PEX1: variants seen among roughly 807,000 people sequenced by gnomAD.
PEX1 encodes the protein peroxisomal biogenesis factor 1.
In PEX1, 97 loss-of-function variants were observed where a neutral mutation model predicts 152.5. That is an observed-to-expected ratio of 0.64 (90% CI 0.54 to 0.75). The LOEUF (loss-of-function observed/expected upper bound fraction) is 0.75. Ranked by LOEUF, PEX1 falls within the 30% of genes least tolerant of loss-of-function variation. PEX1 has a pLI of 0.00. For missense variants in PEX1, 1,357 were observed against 1,516.3 expected (o/e 0.89, Z 1.74); for synonymous variants, 485 against 531.6 (o/e 0.91, Z 1.21).
In PEX1 at chr7:92,494,589, A is replaced by G; in HGVS notation, c.2824T>C (p.Phe942Leu). 1 of 1,614,090 alleles carries G rather than the reference A, an allele frequency of 6.2e-7. No individual in the cohort carries two copies. Among genetic ancestry groups the G allele is most frequent in the Admixed American group, 1.7e-5 (1 of 60,018 alleles). ...CCCCGCCGAGGAGCAATGGATTCAAATTCATCAAAGAAAAGAATGCAGGGC... is the reference window on the plus strand; with the variant it reads ...CCCCGCCGAGGAGCAATGGATTCAAGTTCATCAAAGAAAAGAATGCAGGGC... The part of the protein sequence containing the change: ...AKPCILFFDE[F>L]ESIAPRRGHD... The change falls in exon 18 of 24, where the codon TTT (phenylalanine) becomes CTT (leucine). Residue 942 changes from phenylalanine (F) to leucine (L), a missense_variant. Coordinates refer to ENST00000248633, the MANE Select transcript of PEX1 (RefSeq NM_000466.3).
At position 92,505,541 on chromosome 7, in the gene PEX1, T is replaced by C. The variant is rs561169405; in HGVS notation, c.1901-639A>G. Among the ~76,000 whole-genome samples, 20 of 152,240 alleles carry C rather than the reference T, an allele frequency of 1.3e-4. No individual in the cohort carries two copies. The South Asian group carries it at 3.9e-3, about 30-fold the overall frequency. On this transcript the variant is annotated intron_variant, in intron 11 of 23. Coordinates refer to ENST00000248633, the MANE Select transcript of PEX1 (RefSeq NM_000466.3). ...TTACAACAAAATAAAAAAAGTAGGA[T>C]GTGGGAAAACATAAGTGAGAGTAAG...
At chr7:92,489,213 C>T in intron 23 of PEX1, 80 bp downstream of exon 23, 1 of 1,241,148 alleles carries the variant, frequency 8.1e-7, no homozygotes, top group Non-Finnish European at 1.2e-6. Flanking sequence ...TTATTTTAAA[C>T]ACGAACTTTA....
At chr7:92,489,643 A>AAT (rs1791165281) in intron 22 of PEX1, 71 bp downstream of exon 22, 3 of 1,380,756 alleles carry the variant, frequency 2.2e-6, no homozygotes, top group African/African-American at 1.4e-5. Context: ...AAGTCAAAGA[A>AAT]ATATATATCA....
At chr7:92,492,315 T>C (rs953710753) in intron 20 of PEX1, among the ~76,000 whole-genome samples, 4 of 152,112 alleles carry the variant, frequency 2.6e-5, no homozygotes, top group African/African-American at 7.2e-5. Context: ...AGCTAATTTT[T>C]AAATTTTTCA....
At chr7:92,501,428 G>A in intron 15 of PEX1, 79 bp downstream of exon 15, 1 of 1,156,852 alleles carries the variant, frequency 8.6e-7, no homozygotes, top group Non-Finnish European at 1.3e-6. Flanking sequence ...GATTGGGCAA[G>A]CTGACACATA....
intron 6 of PEX1, among the ~76,000 whole-genome samples, chr7:92,513,265 T>A (rs546770193): frequency 7.9e-5 from 12 of 152,338 alleles, no homozygotes; most frequent in Admixed American, 4.6e-4. Context: ...CAATGTTCAC[T>A]GTAGCATTAT....
At chr7:92,508,603 C>T (rs1353559635) in intron 9 of PEX1, among the ~76,000 whole-genome samples, 4 of 151,826 alleles carry the variant, frequency 2.6e-5, no homozygotes, top group Non-Finnish European at 4.4e-5. Flanking sequence ...TTGACTTTAT[C>T]GTTTAATCCT....
At position 92,487,398 on chromosome 7, in the gene PEX1, A is replaced by G; in HGVS notation, c.*59T>C. On this transcript the variant is annotated 3_prime_UTR_variant, in exon 24 of 24. Coordinates refer to ENST00000248633, the MANE Select transcript of PEX1 (RefSeq NM_000466.3). ...TCATAGACACCATTTTTTTCCTGTTACAACATATGGAAAAGCCATCAAAAA... is the reference window on the plus strand; with the variant it reads ...TCATAGACACCATTTTTTTCCTGTTGCAACATATGGAAAAGCCATCAAAAA... The G allele has an allele frequency of 2.3e-6, 2 of 883,424 alleles. No homozygotes were observed. The highest frequency in any genetic ancestry group is 1.5e-5 in the South Asian group (1 of 68,112). The allele number at this position is 883,424 out of a possible 1,614,324, so 54.7% of individuals were successfully genotyped here.
intron 20 of PEX1, among the ~76,000 whole-genome samples, chr7:92,492,438 A>G (rs1791385092): frequency 1.3e-5 from 2 of 152,202 alleles, no homozygotes; most frequent in Admixed American, 1.3e-4. Context: ...AAGTGCTGGG[A>G]TTACAGGCGT....
intron 12 of PEX1, among the ~76,000 whole-genome samples, chr7:92,504,507 C>T (rs1260456395): frequency 6.6e-6 from 1 of 152,048 alleles, no homozygotes; most frequent in African/African-American, 2.4e-5. Context: ...GAATGAAAAA[C>T]CCTAAAGGAC....
At chr7:92,513,250 T>C (rs922883178) in intron 6 of PEX1, among the ~76,000 whole-genome samples, 1 of 152,196 alleles carries the variant, frequency 6.6e-6, no homozygotes, top group Admixed American at 6.5e-5. Context: ...CAGATACTTG[T>C]ACACCAATGT....
chr7:92,516,070 G>GAA (rs1163052551), intron 5 of PEX1, among the ~76,000 whole-genome samples: 1 of 121,492 alleles, frequency 8.2e-6, no homozygotes, highest in Non-Finnish European at 1.8e-5. Context: ...GAAAAGAAAA[G>GAA]AAAAGAAAAG....
rs748176863 is a variant in PEX1 at position 92,494,524 on chromosome 7, C to T, written c.2889G>A (p.Gln963=). 2 of 1,613,842 alleles carry T rather than the reference C, an allele frequency of 1.2e-6. No homozygotes were observed. The highest frequency in any genetic ancestry group is 2.2e-5 in the East Asian group (1 of 44,888). The change falls in exon 18 of 24, where the codon CAG becomes CAA. Residue 963 remains glutamine, a synonymous_variant. Coordinates refer to ENST00000248633, the MANE Select transcript of PEX1 (RefSeq NM_000466.3). ...NTGVTDRVVN[Q]LLTQLDGVEG... is the part of the protein sequence containing the mutation. Reference sequence around the variant, plus strand: ...CTACTCCATCCAACTGAGTCAGCAACTGGTTAACTACTCGGTCTGTAACTC... The same window carrying T: ...CTACTCCATCCAACTGAGTCAGCAATTGGTTAACTACTCGGTCTGTAACTC...
In PEX1 at chr7:92,517,381, A is replaced by T. The variant is rs1295293560; in HGVS notation, c.1134T>A (p.Asp378Glu). The stretch of plus-strand genomic sequence containing the variant: ...CTACTTGTAGCACACAGGCCTTCTC[A>T]TCTTCTTCATTATGATCTGACCTAA... The part of the protein sequence containing the change: ...KKIRSDHNEE[D>E]EKACVLQVVW... Residue 378 changes from aspartate (D) to glutamate (E), a missense_variant, in exon 5 of 24, where the codon GAT becomes GAA. Asp to Glu is a conservative substitution (Grantham distance 45). Coordinates refer to ENST00000248633, the MANE Select transcript of PEX1 (RefSeq NM_000466.3). 1 of 1,613,364 alleles carries T rather than the reference A, an allele frequency of 6.2e-7. No homozygotes were observed. The highest frequency in any genetic ancestry group is 8.5e-7 in the Non-Finnish European group (1 of 1,179,776).
rs1442920185 is a variant in PEX1, at chr7:92,521,988, T to C, written c.273+114A>G. On this transcript the variant is annotated intron_variant, in intron 2 of 23. Transcript: ENST00000248633. ...ATCCTAGACTAGTTACATAATAGCA[T>C]ACAAATTAGGTGACATCTCACCTCC... The C allele has an allele frequency of 3.0e-6, 3 of 1,015,550 alleles. No individual in the cohort carries two copies. The African/African-American group carries it at 4.8e-5, about 16-fold the overall frequency. The allele number at this position is 1,015,550 out of a possible 1,614,324, so 62.9% of individuals were successfully genotyped here.
At chr7:92,507,392 C>A in intron 9 of PEX1, 1 of 366,074 alleles carries the variant, frequency 2.7e-6, no homozygotes, top group Non-Finnish European at 5.1e-6. Flanking sequence ...GAGTGTAACA[C>A]CACACCCAGC....
At chr7:92,501,461 G>A (rs1249359962) in intron 15 of PEX1, 46 bp downstream of exon 15, 2 of 1,504,724 alleles carry the variant, frequency 1.3e-6, no homozygotes, top group Non-Finnish European at 1.8e-6. Context: ...ATAATACAGT[G>A]GTTCTTCTGG....
chr7:92,501,930 T>G lies in PEX1; in HGVS notation c.2376A>C (p.Ile792=). Residue 792 remains isoleucine, a synonymous_variant, in exon 14 of 24, where the codon ATA becomes ATC. Coordinates refer to ENST00000248633, the MANE Select transcript of PEX1 (RefSeq NM_000466.3). ...TACTCTGACGAGAGAGTCGAGAATG[T>G]ATGGCTCGATCCACAAGTACTGTAA... The part of the protein sequence containing the change: ...RDFTVLVDRA[I]HSRLSRQSIS... The G allele has an allele frequency of 6.2e-7, 1 of 1,614,046 alleles. No individual in the cohort carries two copies. Among genetic ancestry groups the G allele is most frequent in the Non-Finnish European group, 8.5e-7 (1 of 1,179,924 alleles).
At chr7:92,514,553 C>A (rs1209584437) in intron 5 of PEX1, among the ~76,000 whole-genome samples, 1 of 152,102 alleles carries the variant, frequency 6.6e-6, no homozygotes, top group Admixed American at 6.6e-5. Flanking sequence ...AAGTTAACAA[C>A]CAATGAAGAA....
Sources: allele counts gnomAD v4.1 joint callset (sites outside exome capture counted in the v4.1 genomes callset), GRCh38; gene constraint gnomAD v4.1.1; transcripts MANE v1.5; gene names NCBI Gene and HGNC (gene_info 2026-07-23, HGNC 2026-07-21).